CEP250: variants seen among roughly 807,000 people sequenced by gnomAD.
CEP250 encodes centrosomal protein 250.
In CEP250, 242 loss-of-function variants were observed where a neutral mutation model predicts 315.7. That is an observed-to-expected ratio of 0.77 (90% CI 0.69 to 0.85). The LOEUF is 0.85. CEP250 is among the 40% of genes least tolerant of loss of function. The pLI, the probability that CEP250 is intolerant of heterozygous loss-of-function variation, is 0.00. For missense variants in CEP250, 2,515 were observed against 2,886.4 expected, an observed-to-expected ratio of 0.87 and a Z score of 2.95; for synonymous variants, 1,088 against 1,175.0, an observed-to-expected ratio of 0.93 and a Z score of 1.51.
chr20:35,496,762 G>C, intron 25 of CEP250, 47 bp downstream of exon 25: 1 of 1,582,836 alleles, frequency 6.3e-7, no homozygotes, highest in Non-Finnish European at 8.6e-7. Context: ...GCAGAAGCCT[G>C]ATTCTGAAGC....
rs749217685 is a variant in CEP250, at chr20:35,462,362, G to A, written c.-6G>A. On this transcript the variant is annotated 5_prime_UTR_variant, in exon 4 of 35. Coordinates refer to ENST00000397527, the MANE Select transcript of CEP250 (RefSeq NM_007186.6). The stretch of plus-strand genomic sequence containing the variant: ...GGGACCTGTGGGCCTACCACCTGGT[G>A]CCCTCATGGAGACAAGAAGCCCTGG... 8.3e-6 allele frequency: 13 copies of A among 1,572,186 alleles called. No individual in the cohort carries two copies. Among genetic ancestry groups the A allele is most frequent in the Non-Finnish European group, 1.1e-5 (13 of 1,156,496 alleles).
At chr20:35,493,225 T>C (rs918157581) in intron 22 of CEP250, among the ~76,000 whole-genome samples, 1 of 151,912 alleles carries the variant, frequency 6.6e-6, no homozygotes, top group African/African-American at 2.4e-5. Flanking sequence ...GGTGAGAGAC[T>C]ATTACCAATT....
At chr20:35,460,749 G>A (rs1385393163) in intron 3 of CEP250, among the ~76,000 whole-genome samples, 2 of 152,234 alleles carry the variant, frequency 1.3e-5, no homozygotes, top group Admixed American at 1.3e-4. Flanking sequence ...AAACTATTAT[G>A]TGGGCCACAC....
chr20:35,468,959 A>G (rs545106435), intron 9 of CEP250, among the ~76,000 whole-genome samples: 34 of 152,024 alleles, frequency 2.2e-4, no homozygotes, highest in Middle Eastern at 3.4e-3. Flanking sequence ...TTACCGGTTG[A>G]GCCACCGTGG....
intron 20 of CEP250, among the ~76,000 whole-genome samples, chr20:35,486,824 C>T (rs1004579726): frequency 6.6e-6 from 1 of 152,040 alleles, no homozygotes. Context: ...AGTCTATAGT[C>T]GGTGCTTAAA....
At chr20:35,477,659 T>G (rs935383334) in intron 16 of CEP250, among the ~76,000 whole-genome samples, 3 of 152,232 alleles carry the variant, frequency 2.0e-5, no homozygotes, top group African/African-American at 7.2e-5. Context: ...GACTTTGCCT[T>G]GCATATCTCC....
Position 35,462,443 on chromosome 20 carries a change from G to A in CEP250, c.76G>A (p.Ala26Thr). 1 of 1,605,462 alleles carries A rather than the reference G, an allele frequency of 6.2e-7. No homozygotes were observed. The change falls in exon 4 of 35, where the codon GCA becomes ACA. Residue 26 changes from alanine (A) to threonine (T), a missense_variant. By Grantham distance (58) the Ala-to-Thr change is moderately conservative. Transcript: ENST00000397527. ...LQLVLEEQVL[A>T]LQQQMAENQA... ...GCTGGTACTGGAAGAGCAGGTGCTG[G>A]CACTACAGCAGCAGATGGCAGAGAA...
intron 16 of CEP250, chr20:35,476,807 A>C: frequency 2.2e-6 from 1 of 446,414 alleles, no homozygotes; most frequent in South Asian, 4.3e-5. Context: ...TAAGACACCA[A>C]GGTTGGGAAG....
chr20:35,469,173 C>T (rs183511991), intron 9 of CEP250, among the ~76,000 whole-genome samples: 95 of 152,134 alleles, frequency 6.2e-4, no homozygotes, highest in African/African-American at 2.3e-3. Context: ...AAAAGAATAG[C>T]CATGTGGTGG....
chr20:35,500,212 G>A (rs780528582), intron 28 of CEP250, 43 bp downstream of exon 28: 2 of 1,608,504 alleles, frequency 1.2e-6, no homozygotes, highest in South Asian at 1.1e-5. Flanking sequence ...AGGGAGAAGG[G>A]ATAGGTGGGG....
At chr20:35,486,614 A>C (rs1368589665) in intron 20 of CEP250, among the ~76,000 whole-genome samples, 8 of 152,174 alleles carry the variant, frequency 5.3e-5, no homozygotes, top group African/African-American at 1.7e-4. Context: ...TCTGTGATAC[A>C]TTAAAATACA....
rs762264533 is a variant in CEP250 at position 35,480,165 on chromosome 20, G to A, written c.2586+20G>A. 7.5e-6 allele frequency: 12 copies of A among 1,599,068 alleles called. No homozygotes were observed. The highest frequency in any genetic ancestry group is 6.7e-5 in the South Asian group (6 of 89,206). ...AAATGGGTAAGTGGTCAATGTGGCC[G>A]GGTATGGCCTCCCTTCCATGAGTGC... On this transcript the variant is annotated intron_variant, in intron 20 of 34. Coordinates refer to ENST00000397527, the MANE Select transcript of CEP250 (RefSeq NM_007186.6).
chr20:35,477,970 G>T lies in CEP250; in HGVS notation c.1963G>T (p.Glu655Ter), dbSNP rs148325271. 1 of 1,613,442 alleles carries T rather than the reference G, an allele frequency of 6.2e-7. No homozygotes were observed. The highest frequency in any genetic ancestry group is 1.3e-5 in the African/African-American group (1 of 74,934). Residue 655 changes from glutamate (E) to a stop codon, truncating the protein, a stop_gained, in exon 17 of 35, where the codon GAA becomes TAA. Transcript: ENST00000397527. LOFTEE classifies it high-confidence loss of function. ...VDLAEAEKRR[E>*]ALWEKNTHLE... is the part of the protein sequence containing the mutation. ...CCTGGCGGAGGCAGAGAAGAGGAGG[G>T]AAGCCCTGTGGGAAAAGAACACTCA...
chr20:35,496,550 C>G, intron 24 of CEP250, 27 bp from the exon 25 acceptor site: 1 of 1,607,904 alleles, frequency 6.2e-7, no homozygotes, highest in Non-Finnish European at 8.5e-7. Context: ...AGAGAATGGC[C>G]CAGCACTCTG....
At position 35,503,684 on chromosome 20, in the gene CEP250, T is replaced by C; in HGVS notation, c.5315T>C (p.Leu1772Pro). ...LHRKVGETSL[L>P]LSQREQEIVV... is the part of the protein sequence containing the mutation. ...AGGAAGGTAGGTGAGACCAGCCTCC[T>C]CCTGTCCCAGCGAGAGCAGGAAATA... Residue 1772 changes from leucine to proline, a missense_variant, in exon 30 of 35, where the codon CTC becomes CCC. Coordinates refer to ENST00000397527, the MANE Select transcript of CEP250 (RefSeq NM_007186.6). The surrounding 1 kb of genome is among the most constrained non-coding windows in gnomAD (Gnocchi z 4.2). The C allele has an allele frequency of 1.2e-6, 2 of 1,613,948 alleles. No individual in the cohort carries two copies. Among genetic ancestry groups the C allele is most frequent in the Non-Finnish European group, 1.7e-6 (2 of 1,179,970 alleles).
chr20:35,459,750 T>C (rs1305729396), intron 2 of CEP250, among the ~76,000 whole-genome samples: 3 of 152,144 alleles, frequency 2.0e-5, no homozygotes, highest in South Asian at 2.1e-4. Flanking sequence ...TACTCCAGCC[T>C]GGGTGACAGA....
Position 35,496,646 on chromosome 20 carries a change from A to G in CEP250, c.3237A>G (p.Gln1079=), listed in dbSNP as rs61733772. Residue 1079 remains glutamine (Q), a synonymous_variant, in exon 25 of 35, where the codon CAA becomes CAG. Transcript: ENST00000397527. ...LVLQEADSIR[Q]QELSALRQDM... ...TACAAGAAGCTGACTCTATTCGACAACAAGAGCTGAGTGCCCTGCGCCAGG... is the reference window on the plus strand; with the variant it reads ...TACAAGAAGCTGACTCTATTCGACAGCAAGAGCTGAGTGCCCTGCGCCAGG... The G allele has an allele frequency of 7.2e-4, 1,155 of 1,614,154 alleles. 2 individuals carry two copies. The highest frequency in any genetic ancestry group is 9.1e-4 in the Non-Finnish European group (1,070 of 1,180,010).
intron 30 of CEP250, 127 bp from the exon 31 acceptor site, chr20:35,507,611 C>A: frequency 1.3e-6 from 1 of 751,370 alleles, no homozygotes; most frequent in Non-Finnish European, 2.3e-6. Context: ...TAGAATGACT[C>A]AGAGCCTCTA....
intron 25 of CEP250, 144 bp from the exon 26 acceptor site, chr20:35,497,575 C>T (rs1341027269): frequency 4.7e-6 from 3 of 633,688 alleles, no homozygotes; most frequent in Non-Finnish European, 8.4e-6. Flanking sequence ...ATTTCAGAGC[C>T]CCTCTACCTG....
Sources: gnomAD v4.1 joint callset for allele counts (sites outside exome capture counted in the v4.1 genomes callset) on GRCh38, gnomAD v4.1.1 for gene constraint, Gnocchi (gnomAD v3.1) non-coding constraint, MANE v1.5 for transcripts, NCBI Gene and HGNC (gene_info 2026-07-23, HGNC 2026-07-21) for gene names.